ACLY: variants seen among roughly 807,000 people sequenced by gnomAD.
ACLY encodes ATP citrate lyase, also known as ATP-citrate synthase.
A neutral mutation model predicts 133.0 loss-of-function variants in ACLY; 41 were observed. The ratio of observed to expected loss-of-function variants is 0.31; its 90% CI spans 0.24 to 0.40. ACLY has a LOEUF of 0.40. Ranked by LOEUF, ACLY falls within the 10% of genes least tolerant of loss-of-function variation. ACLY has a pLI of 1.00. For synonymous variants in ACLY, 495 were observed against 549.3 expected (o/e 0.90, Z 1.38); for missense variants, 1,046 against 1,453.8 (o/e 0.72, Z 4.56).
In ACLY at chr17:41,905,540, G is replaced by T. The variant is rs143406536; in HGVS notation, c.985C>A (p.Arg329=). Residue 329 remains arginine (R), a synonymous_variant, in exon 9 of 29, where the codon CGA becomes AGA. Transcript: ENST00000352035. ...ATCTCACCATCTGGGTGCTTCTCTC[G>T]GGTCATGAGGGAGAGGATAGTCTTG... ...YAKTILSLMT[R]EKHPDGKILI... The T allele has an allele frequency of 1.2e-5, 19 of 1,614,152 alleles. No homozygotes were observed. In the African/African-American group the frequency reaches 2.4e-4, roughly 20 times the overall value.
intron 22 of ACLY, among the ~76,000 whole-genome samples, chr17:41,874,288 G>C (rs1597969765): frequency 6.6e-6 from 1 of 152,082 alleles, no homozygotes; most frequent in Non-Finnish European, 1.5e-5. Flanking sequence ...TTCTGGAGGG[G>C]GACCAGAGTC....
In ACLY at chr17:41,887,677, T is replaced by C; in HGVS notation, c.1797A>G (p.Glu599=). 1 of 1,613,542 alleles carries C rather than the reference T, an allele frequency of 6.2e-7. No individual in the cohort carries two copies. Among genetic ancestry groups the C allele is most frequent in the South Asian group, 1.1e-5 (1 of 91,074 alleles). Residue 599 remains glutamate, a synonymous_variant, in exon 17 of 29, where the codon GAA becomes GAG. Transcript: ENST00000352035. The part of the protein sequence containing the change: ...AQIRTIAIIA[E]GIPEALTRKL... ...TTCTCGTGAGGGCCTCAGGGATGCCTTCAGCTATGATGGCGATGGTCCGGA... is the reference window on the plus strand; with the variant it reads ...TTCTCGTGAGGGCCTCAGGGATGCCCTCAGCTATGATGGCGATGGTCCGGA...
At chr17:41,868,668 G>T (rs782494617) in intron 28 of ACLY, 41 bp downstream of exon 28, 16 of 1,554,024 alleles carry the variant, frequency 1.0e-5, no homozygotes, top group Non-Finnish European at 1.3e-5. Context: ...GAACCGTGGG[G>T]TTTAAAAAAA....
chr17:41,907,059 C>G (rs1367964113), intron 7 of ACLY, among the ~76,000 whole-genome samples: 1 of 152,164 alleles, frequency 6.6e-6, no homozygotes, highest in African/African-American at 2.4e-5. Context: ...GGGTACTTCC[C>G]AGAAAGCCCA....
Position 41,867,682 on chromosome 17 carries a change from A to G in ACLY, c.*128T>C. ...GTGGATGTTGGTCTTCGGTGCCTGT[A>G]CCCCAGTGGCTGTTTACATTCCAGG... is the stretch of plus-strand genomic sequence containing the variant. On this transcript the variant is annotated 3_prime_UTR_variant, in exon 29 of 29. Coordinates refer to ENST00000352035, the MANE Select transcript of ACLY (RefSeq NM_001096.3). The G allele has an allele frequency of 5.0e-6, 3 of 599,554 alleles. No homozygotes were observed. In the South Asian group the frequency reaches 7.7e-5, roughly 15 times the overall value. 37.1% of individuals were successfully genotyped at this position (599,554 alleles called of 1,614,324 possible). A position where few individuals can be genotyped will look rare whatever the true frequency, so the allele number is the denominator to read the frequency against.
intron 26 of ACLY, 110 bp downstream of exon 26, chr17:41,869,364 C>A: frequency 1.0e-6 from 1 of 955,864 alleles, no homozygotes; most frequent in Non-Finnish European, 1.6e-6. Context: ...AATAACATTT[C>A]TAGAAAACTA....
intron 3 of ACLY, among the ~76,000 whole-genome samples, chr17:41,910,972 C>T (rs2049885765): frequency 6.6e-6 from 1 of 152,130 alleles, no homozygotes. Flanking sequence ...GTCTGATGTC[C>T]CACCTTCCCC....
In ACLY at chr17:41,867,782, G is replaced by C; in HGVS notation, c.*28C>G. The C allele has an allele frequency of 6.4e-7, 1 of 1,565,218 alleles. No individual in the cohort carries two copies. The highest frequency in any genetic ancestry group is 8.7e-7 in the Non-Finnish European group (1 of 1,144,702). On this transcript the variant is annotated 3_prime_UTR_variant, in exon 29 of 29. Coordinates refer to ENST00000352035, the MANE Select transcript of ACLY (RefSeq NM_001096.3). The stretch of plus-strand genomic sequence containing the variant: ...CTTGGGGGAAGAGATCTTGTCTTCA[G>C]TTTACTGCAGTAGGGTTCCTGGCTC...
chr17:41,916,873 G>A (rs1048248044), intron 1 of ACLY, among the ~76,000 whole-genome samples: 5 of 151,996 alleles, frequency 3.3e-5, no homozygotes, highest in African/African-American at 9.7e-5. Context: ...GGCCAGGCAC[G>A]GTGGCTTGCG....
intron 11 of ACLY, among the ~76,000 whole-genome samples, chr17:41,900,230 G>A (rs1229218608): frequency 2.6e-4 from 39 of 151,888 alleles, no homozygotes; most frequent in African/African-American, 9.4e-4. Flanking sequence ...AGGTGTGGTG[G>A]CAGATGCCTG....
chr17:41,870,764 C>T (rs1422655515), intron 25 of ACLY: 1 of 152,230 alleles, frequency 6.6e-6, no homozygotes, highest in Non-Finnish European at 1.5e-5. Context: ...ACTCTTCCTG[C>T]CCCAGTGATG....
upstream of ACLY, among the ~76,000 whole-genome samples, chr17:41,922,311 G>A (rs1338066043): frequency 2.7e-5 from 4 of 150,916 alleles, no homozygotes; most frequent in Admixed American, 6.6e-5. Flanking sequence ...CCCAGGAGGC[G>A]GAGGTTGCAG....
At chr17:41,899,853 G>A (rs1036098391) in intron 11 of ACLY, among the ~76,000 whole-genome samples, 5 of 151,600 alleles carry the variant, frequency 3.3e-5, no homozygotes, top group African/African-American at 1.2e-4. Context: ...AGACCAGCCT[G>A]GGCAACATGG....
intron 18 of ACLY, among the ~76,000 whole-genome samples, chr17:41,885,497 G>A (rs1045427922): frequency 1.3e-5 from 2 of 152,140 alleles, no homozygotes; most frequent in Admixed American, 6.6e-5. Flanking sequence ...AGTGCCAGAC[G>A]TTACTCTGAG....
rs782017025 is a variant in ACLY, at chr17:41,883,202, G to A, written c.2185C>T (p.Arg729Trp). The A allele has an allele frequency of 2.5e-5, 41 of 1,613,764 alleles. No homozygotes were observed. Among genetic ancestry groups the A allele is most frequent in the Admixed American group, 1.5e-4 (9 of 60,002 alleles). ...IGGTEEYKIC[R>W]GIKEGRLTKP... ...GTGAGGCGGCCCTCCTTGATGCCCC[G>A]GCAAATCTTATATTCCTCAGTGCCC... The change falls in exon 20 of 29, where the codon CGG becomes TGG. Residue 729 changes from arginine (R) to tryptophan (W), a missense_variant. Transcript: ENST00000352035.
intron 14 of ACLY, among the ~76,000 whole-genome samples, chr17:41,896,294 G>A (rs1025386783): frequency 6.6e-5 from 10 of 152,104 alleles, no homozygotes; most frequent in Non-Finnish European, 1.3e-4. Context: ...CTTCCCAGGC[G>A]ACACTCTCTC....
chr17:41,918,937 C>CCG lies in ACLY; in HGVS notation c.-83_-82dup. The CCG allele has an allele frequency of 7.8e-7, 1 of 1,289,412 alleles. No homozygotes were observed. The allele number at this position is 1,289,412 out of a possible 1,614,324, so 79.9% of individuals were successfully genotyped here. On this transcript the variant is annotated 5_prime_UTR_variant, in exon 1 of 29. Transcript: ENST00000352035. The stretch of plus-strand genomic sequence containing the variant: ...ACAGGCCCGACGAACCCCGCAAAAT[C>CCG]CGGAGCACCCCAGCAGCCGGTAGCT...
At chr17:41,898,169 ATGGTGCCATCACAGC>A (rs1267712618) in intron 12 of ACLY, among the ~76,000 whole-genome samples, 1 of 152,040 alleles carries the variant, frequency 6.6e-6, no homozygotes, top group African/African-American at 2.4e-5. Context: ...CTGGAGTGCA[ATGGTGCCATCACAGC>A]TCACTGCAAC....
intron 19 of ACLY, among the ~76,000 whole-genome samples, chr17:41,883,858 G>A: frequency 6.6e-6 from 1 of 151,922 alleles, no homozygotes; most frequent in Non-Finnish European, 1.5e-5. Flanking sequence ...GTGCTGGGAG[G>A]ATTACAGGTG....
Sources: gnomAD v4.1 joint callset for allele counts (sites outside exome capture counted in the v4.1 genomes callset) on GRCh38, gnomAD v4.1.1 for gene constraint, MANE v1.5 for transcripts, NCBI Gene and HGNC (gene_info 2026-07-23, HGNC 2026-07-21) for gene names.